Variants in LRRN2 observed in about 807,000 individuals in gnomAD.
LRRN2 encodes leucine-rich repeat neuronal protein 2.
LRRN2 carries 10 observed loss-of-function variants against 35.7 expected under a neutral mutation model. The observed-to-expected ratio is 0.28, with a 90% CI of 0.17 to 0.47. The LOEUF (loss-of-function observed/expected upper bound fraction) is 0.47, where lower values mean the gene tolerates loss of function less well. Ranked by LOEUF, LRRN2 falls within the 20% of genes least tolerant of loss-of-function variation. The probability of loss-of-function intolerance (pLI) is 0.99; values close to 1 mark genes in which losing one functional copy is unlikely to be tolerated. For synonymous variants in LRRN2, 391 were observed against 409.6 expected, an observed-to-expected ratio of 0.95 and a Z score of 0.55; for missense variants, 731 against 940.3, an observed-to-expected ratio of 0.78 and a Z score of 2.91.
Position 204,620,225 on chromosome 1 carries a change from G to A in LRRN2, c.-226-7C>T. ...GGCCCCATCAGGGGCAGCCCTGGAAGAAGAGGATGCAGAGTTAAGGAGGTT... is the reference window on the plus strand; with the variant it reads ...GGCCCCATCAGGGGCAGCCCTGGAAAAAGAGGATGCAGAGTTAAGGAGGTT... On this transcript the variant is annotated splice_polypyrimidine_tract_variant and splice_region_variant and intron_variant, in intron 1 of 1. Transcript: ENST00000367177. 1 of 1,437,222 alleles carries A rather than the reference G, an allele frequency of 7.0e-7. No homozygotes were observed. Among genetic ancestry groups the A allele is most frequent in the Non-Finnish European group, 9.1e-7 (1 of 1,093,710 alleles). The allele number at this position is 1,437,222 out of a possible 1,614,324, so 89.0% of individuals were successfully genotyped here.
At chr1:204,625,354 C>CA (rs1558402024) in intron 1 of LRRN2, among the ~76,000 whole-genome samples, 2 of 152,168 alleles carry the variant, frequency 1.3e-5, no homozygotes, top group African/African-American at 4.8e-5. Flanking sequence ...TTTCATCTTA[C>CA]CATACATTGG....
At chr1:204,676,856 A>G (rs999864681) in intron 1 of LRRN2, among the ~76,000 whole-genome samples, 1 of 152,204 alleles carries the variant, frequency 6.6e-6, no homozygotes, top group Non-Finnish European at 1.5e-5. Flanking sequence ...TTAATGTGGT[A>G]GTTGAGAATC....
chr1:204,659,292 TC>T (rs1385356728), intron 1 of LRRN2, among the ~76,000 whole-genome samples: 1 of 152,168 alleles, frequency 6.6e-6, no homozygotes, highest in Non-Finnish European at 1.5e-5. Context: ...CTTAGCAACA[TC>T]CACAATGGTG....
chr1:204,634,863 C>G (rs1281497382), intron 1 of LRRN2, among the ~76,000 whole-genome samples: 1 of 152,192 alleles, frequency 6.6e-6, no homozygotes, highest in Non-Finnish European at 1.5e-5. Flanking sequence ...GGGCAAGATG[C>G]TTTATTTCTA....
At chr1:204,633,141 T>A (rs962642983) in intron 1 of LRRN2, 1 of 151,972 alleles carries the variant, frequency 6.6e-6, no homozygotes, top group Non-Finnish European at 1.5e-5. Context: ...TTGGTCTGTC[T>A]ACCTTCTGCC....
chr1:204,642,186 T>C (rs1453244361), intron 1 of LRRN2, among the ~76,000 whole-genome samples: 2 of 152,122 alleles, frequency 1.3e-5, no homozygotes, highest in Non-Finnish European at 1.5e-5. Context: ...GGGGGAACAT[T>C]CTCTCCTGTA....
intron 1 of LRRN2, among the ~76,000 whole-genome samples, chr1:204,681,508 G>A (rs960539505): frequency 1.3e-5 from 2 of 152,164 alleles, no homozygotes; most frequent in African/African-American, 4.8e-5. Flanking sequence ...TACGTGACCT[G>A]CTCAATGTCA....
At chr1:204,634,611 G>A (rs1394671141) in intron 1 of LRRN2, among the ~76,000 whole-genome samples, 1 of 152,214 alleles carries the variant, frequency 6.6e-6, no homozygotes. Flanking sequence ...ACAGATGGAA[G>A]TGCTACAGCT....
rs1669051566 is a variant in LRRN2 at position 204,685,456 on chromosome 1, C to T, written c.-363G>A. On this transcript the variant is annotated 5_prime_UTR_variant, in exon 1 of 2. Coordinates refer to ENST00000367177, the MANE Select transcript of LRRN2 (RefSeq NM_201630.2). ...GCCGTCTGCACAGGCCGGGGAGGCT[C>T]GGCGGGCGCCCTCCCCAACGTGGAG... 6.6e-6 allele frequency: 1 copy of T among 150,874 alleles called. No individual in the cohort carries two copies. The highest frequency in any genetic ancestry group is 1.9e-4 in the East Asian group (1 of 5,142). The allele number at this position is 150,874 out of a possible 1,614,324, so 9.3% of individuals were successfully genotyped here. A position where few individuals can be genotyped will look rare whatever the true frequency, so the allele number is the denominator to read the frequency against.
chr1:204,640,433 G>A (rs980946493), intron 1 of LRRN2, among the ~76,000 whole-genome samples: 3 of 152,254 alleles, frequency 2.0e-5, no homozygotes, highest in Admixed American at 1.3e-4. Context: ...ACAAGGATGC[G>A]TTATTATTAT....
intron 1 of LRRN2, among the ~76,000 whole-genome samples, chr1:204,658,508 G>C (rs1668406218): frequency 6.6e-6 from 1 of 152,096 alleles, no homozygotes; most frequent in African/African-American, 2.4e-5. Context: ...GCACTTTTTG[G>C]GTTCAGTCTC....
At chr1:204,649,360 C>A (rs1404791362) in intron 1 of LRRN2, among the ~76,000 whole-genome samples, 1 of 152,154 alleles carries the variant, frequency 6.6e-6, no homozygotes, top group Non-Finnish European at 1.5e-5. Context: ...TCTCTGTATC[C>A]GCAGCTCACG....
At chr1:204,676,537 G>T (rs764515434) in intron 1 of LRRN2, among the ~76,000 whole-genome samples, 2 of 152,076 alleles carry the variant, frequency 1.3e-5, no homozygotes, top group Non-Finnish European at 2.9e-5. Context: ...TCTGCCAACT[G>T]CTTGGGACCC....
chr1:204,680,935 C>A (rs967597832), intron 1 of LRRN2, among the ~76,000 whole-genome samples: 3 of 152,032 alleles, frequency 2.0e-5, no homozygotes, highest in Non-Finnish European at 1.5e-5. Context: ...TTTCCTAATC[C>A]GCAAACAGCA....
chr1:204,667,608 C>T (rs546547962), intron 1 of LRRN2, among the ~76,000 whole-genome samples: 1 of 152,240 alleles, frequency 6.6e-6, no homozygotes, highest in South Asian at 2.1e-4. Flanking sequence ...GAGAAAGACC[C>T]AGCAAAGAGA....
At chr1:204,640,975 A>G (rs1443805338) in intron 1 of LRRN2, among the ~76,000 whole-genome samples, 1 of 151,500 alleles carries the variant, frequency 6.6e-6, no homozygotes, top group East Asian at 1.9e-4. Context: ...AGTTCTAATA[A>G]CAGCTCTAGC....
At chr1:204,653,914 T>C (rs183774802) in intron 1 of LRRN2, among the ~76,000 whole-genome samples, 4 of 150,750 alleles carry the variant, frequency 2.7e-5, no homozygotes, top group Admixed American at 2.0e-4. Context: ...CATGCACCTG[T>C]AGTCTCAGCT....
At chr1:204,675,152 G>A (rs942850595) in intron 1 of LRRN2, among the ~76,000 whole-genome samples, 4 of 152,102 alleles carry the variant, frequency 2.6e-5, no homozygotes, top group African/African-American at 4.8e-5. Context: ...TTTCAGACAC[G>A]CTGTATTTCA....
At chr1:204,675,140 C>T (rs1229808707) in intron 1 of LRRN2, among the ~76,000 whole-genome samples, 1 of 152,128 alleles carries the variant, frequency 6.6e-6, no homozygotes, top group Admixed American at 6.5e-5. Flanking sequence ...TAGCAGGTTG[C>T]ATTTCAGACA....
Sources: allele counts gnomAD v4.1 joint callset (sites outside exome capture counted in the v4.1 genomes callset), GRCh38; gene constraint gnomAD v4.1.1; transcripts MANE v1.5; gene names NCBI Gene and HGNC (gene_info 2026-07-23, HGNC 2026-07-21).